Variants in NKIRAS2 observed in about 807,000 individuals in gnomAD.
NKIRAS2 encodes NF-kappa-B inhibitor-interacting Ras-like protein 2.
NKIRAS2 carries 15 observed loss-of-function variants against 20.7 expected under a neutral mutation model. The ratio of observed to expected loss-of-function variants is 0.73; its 90% confidence interval spans 0.49 to 1.12. The LOEUF is 1.12. Among genes scored for constraint, NKIRAS2 ranks in the 50% most tolerant of loss-of-function variants. The pLI, the probability that NKIRAS2 is intolerant of heterozygous loss-of-function variation, is 0.00. For missense variants in NKIRAS2, 196 were observed against 249.6 expected (o/e 0.79, Z 1.45); for synonymous variants, 116 against 101.4 (o/e 1.14, Z -0.87).
At chr17:42,020,741 A>T (rs1315984246) in intron 1 of NKIRAS2, 2 of 151,972 alleles carry the variant, frequency 1.3e-5, no homozygotes, top group Non-Finnish European at 2.9e-5. Context: ...AGGAAAGCAG[A>T]TTGTCTTTTT....
rs1406871373 is a variant in NKIRAS2 at position 42,024,025 on chromosome 17, C to A, written c.*132C>A. 25 of 1,408,350 alleles carry A rather than the reference C, an allele frequency of 1.8e-5. No homozygotes were observed. Among genetic ancestry groups the A allele is most frequent in the Non-Finnish European group, 2.3e-5 (24 of 1,062,232 alleles). The allele number at this position is 1,408,350 out of a possible 1,614,324, so 87.2% of individuals were successfully genotyped here. On this transcript the variant is annotated 3_prime_UTR_variant, in exon 4 of 4. Coordinates refer to ENST00000393885, the MANE Select transcript of NKIRAS2 (RefSeq NM_017595.6). ...AGGGAGCTCCCCGCCAGGCCACGCC[C>A]CAGCCACTTTGCTCCCTCTCACCTC...
chr17:42,023,248 C>T (rs1297974798), intron 3 of NKIRAS2: 1 of 229,474 alleles, frequency 4.4e-6, no homozygotes. Context: ...GTCCACCTGC[C>T]TCAGCCTCCC....
At position 42,021,392 on chromosome 17, in the gene NKIRAS2, C is replaced by T. The variant is rs1251391037; in HGVS notation, c.-14-172C>T. On this transcript the variant is annotated intron_variant, in intron 1 of 3. Transcript: ENST00000393885. ...TTGGGATGGTGCTGAAACCCTGGAA[C>T]TATACATTCAGTTTAGAACTATACA... 6.8e-6 allele frequency: 4 copies of T among 586,856 alleles called. No individual in the cohort carries two copies. In the Middle Eastern group the frequency reaches 8.0e-4, roughly 118 times the overall value. 36.4% of individuals were successfully genotyped at this position (586,856 alleles called of 1,614,324 possible).
upstream of NKIRAS2, chr17:42,018,585 C>G (rs1300527462): frequency 2.0e-5 from 3 of 152,178 alleles, no homozygotes; most frequent in African/African-American, 7.2e-5. Flanking sequence ...TTGAGCCAAT[C>G]ACTCAGCCCT....
Position 42,023,727 on chromosome 17 carries a change from A to G in NKIRAS2, c.410A>G (p.His137Arg). 1 of 1,614,052 alleles carries G rather than the reference A, an allele frequency of 6.2e-7. No homozygotes were observed. The highest frequency in any genetic ancestry group is 8.5e-7 in the Non-Finnish European group (1 of 1,179,988). The stretch of plus-strand genomic sequence containing the variant: ...CGTGTAGACCCAGATGTGGCTCAGC[A>G]CTGGGCCAAGTCAGAGAAGGTGAAG... The part of the protein sequence containing the change: ...QRRVDPDVAQ[H>R]WAKSEKVKLW... Residue 137 changes from histidine (H) to arginine (R), a missense_variant, in exon 4 of 4, where the codon CAC (histidine) becomes CGC (arginine). By Grantham distance (29) the His-to-Arg change is conservative (BLOSUM62 0). Coordinates refer to ENST00000393885, the MANE Select transcript of NKIRAS2 (RefSeq NM_017595.6).
chr17:42,022,073 G>A (rs1273907224), intron 2 of NKIRAS2: 2 of 436,264 alleles, frequency 4.6e-6, no homozygotes, highest in East Asian at 5.4e-5. Context: ...GCCGGGTGTG[G>A]TGGCACATGC....
upstream of NKIRAS2, among the ~76,000 whole-genome samples, chr17:42,017,839 C>T (rs967520369): frequency 5.3e-5 from 8 of 152,310 alleles, no homozygotes; most frequent in East Asian, 3.9e-4. Context: ...CCACTGCTAC[C>T]TTTCCGACCT....
chr17:42,020,659 T>A (rs1371969769), intron 1 of NKIRAS2: 1 of 152,218 alleles, frequency 6.6e-6, no homozygotes, highest in Non-Finnish European at 1.5e-5. Flanking sequence ...TTCTCTCTTG[T>A]CTTATGTTCA....
rs1555653745 is a variant in NKIRAS2, at chr17:42,024,142, C to T, written c.*249C>T. Reference sequence around the variant, plus strand: ...GCTTTTAGAGGATCTGCTCCACTGTCTCCTGGGGCAGTTGTGGGTCACTGT... The same window carrying T: ...GCTTTTAGAGGATCTGCTCCACTGTTTCCTGGGGCAGTTGTGGGTCACTGT... On this transcript the variant is annotated 3_prime_UTR_variant, in exon 4 of 4. Coordinates refer to ENST00000393885, the MANE Select transcript of NKIRAS2 (RefSeq NM_017595.6). 3.9e-6 allele frequency: 2 copies of T among 506,830 alleles called. No homozygotes were observed. Among genetic ancestry groups the T allele is most frequent in the Non-Finnish European group, 7.0e-6 (2 of 287,100 alleles). The allele number at this position is 506,830 out of a possible 1,614,324, so 31.4% of individuals were successfully genotyped here.
At chr17:42,020,599 A>G (rs1038420885) in intron 1 of NKIRAS2, 3 of 152,254 alleles carry the variant, frequency 2.0e-5, no homozygotes, top group Non-Finnish European at 4.4e-5. Context: ...AAGGGCAGCA[A>G]AAAGTATGTC....
At position 42,021,616 on chromosome 17, in the gene NKIRAS2, G is replaced by C; in HGVS notation, c.39G>C (p.Ala13=). The C allele has an allele frequency of 6.2e-7, 1 of 1,614,132 alleles. No homozygotes were observed. The highest frequency in any genetic ancestry group is 8.5e-7 in the Non-Finnish European group (1 of 1,180,010). Residue 13 remains alanine (A), a synonymous_variant, in exon 2 of 4, where the codon GCG becomes GCC. Coordinates refer to ENST00000393885, the MANE Select transcript of NKIRAS2 (RefSeq NM_017595.6). Reference sequence around the variant, plus strand: ...GCAAGGTGGTCGTGTGTGGCCAGGCGTCTGTGGGCAAAACTTCAATCCTGG... The same window carrying C: ...GCAAGGTGGTCGTGTGTGGCCAGGCCTCTGTGGGCAAAACTTCAATCCTGG... ...KSCKVVVCGQ[A]SVGKTSILEQ...
intron 3 of NKIRAS2, chr17:42,023,026 A>G: frequency 3.3e-6 from 1 of 302,396 alleles, no homozygotes; most frequent in South Asian, 2.7e-5. Flanking sequence ...TGTTTGAGAC[A>G]GGGTCTCACT....
At chr17:42,019,071 T>G (rs976516452), upstream of NKIRAS2, among the ~76,000 whole-genome samples, 4 of 152,216 alleles carry the variant, frequency 2.6e-5, no homozygotes, top group Non-Finnish European at 4.4e-5. Flanking sequence ...CCCAAATCTA[T>G]CTCCACCTTT....
chr17:42,018,671 C>T (rs548400990), upstream of NKIRAS2: 4 of 152,396 alleles, frequency 2.6e-5, no homozygotes, highest in East Asian at 7.7e-4. Flanking sequence ...GCCAGTGGCT[C>T]ATAGTCCAGT....
chr17:42,022,748 G>A, intron 3 of NKIRAS2, 108 bp downstream of exon 3: 1 of 1,384,628 alleles, frequency 7.2e-7, no homozygotes, highest in East Asian at 2.3e-5. Context: ...AGGTGAGTTA[G>A]GAGCCAGAGG....
Position 42,025,030 on chromosome 17 carries a change from C to G in NKIRAS2, c.*1137C>G, listed in dbSNP as rs1326737305. On this transcript the variant is annotated 3_prime_UTR_variant, in exon 4 of 4. Transcript: ENST00000393885. ...TTCGTAAAGCCAATGGCTTCTCCCT[C>G]TTTAAGGTGCTATGCCAACCAGCCC... 6.6e-6 allele frequency: 1 copy of G among 152,618 alleles called. No homozygotes were observed. Among genetic ancestry groups the G allele is most frequent in the Non-Finnish European group, 1.5e-5 (1 of 68,050 alleles). The allele number at this position is 152,618 out of a possible 1,614,324, so 9.5% of individuals were successfully genotyped here.
At chr17:42,020,644 T>C (rs2052421469) in intron 1 of NKIRAS2, 3 of 152,248 alleles carry the variant, frequency 2.0e-5, no homozygotes, top group Non-Finnish European at 2.9e-5. Context: ...GGTTTCTTCA[T>C]TCTTTTCTCT....
chr17:42,023,554 A>C (rs2052507996), intron 3 of NKIRAS2, 100 bp from the exon 4 acceptor site: 4 of 1,039,108 alleles, frequency 3.8e-6, no homozygotes, highest in Non-Finnish European at 5.7e-6. Flanking sequence ...TCAGCCATTG[A>C]GCTTTCCTCT....
chr17:42,023,797 C>CT lies in NKIRAS2; in HGVS notation c.483dup (p.Val162CysfsTer51), dbSNP rs1170317925. The CT allele has an allele frequency of 6.2e-7, 1 of 1,614,010 alleles. No homozygotes were observed. The highest frequency in any genetic ancestry group is 8.5e-7 in the Non-Finnish European group (1 of 1,180,040). ...CGGACCGGCGCTCCCTCCTGGAGCC[C>CT]TTTGTCTACTTGGCCAGCAAGATGA... On this transcript the variant is annotated frameshift_variant, in exon 4 of 4. Transcript: ENST00000393885. LOFTEE classifies it high-confidence loss of function.
Sources: gnomAD v4.1 joint callset for allele counts (sites outside exome capture counted in the v4.1 genomes callset) on GRCh38, gnomAD v4.1.1 for gene constraint, MANE v1.5 for transcripts, NCBI Gene and HGNC (gene_info 2026-07-23, HGNC 2026-07-21) for gene names.